VAV2: variants seen among roughly 807,000 people sequenced by gnomAD.
VAV2 encodes the protein guanine nucleotide exchange factor VAV2.
VAV2 carries 67 observed loss-of-function variants against 132.5 expected under a neutral mutation model. The observed-to-expected ratio is 0.51, with a 90% CI of 0.42 to 0.62. VAV2 has a LOEUF of 0.62. Ranked by LOEUF, VAV2 falls within the 20% of genes least tolerant of loss-of-function variation. VAV2 has a pLI of 0.00. For synonymous variants in VAV2, 492 were observed against 443.5 expected, an observed-to-expected ratio of 1.11 and a Z score of -1.37; for missense variants, 938 against 1,153.6, an observed-to-expected ratio of 0.81 and a Z score of 2.71.
chr9:133,801,153 G>A (rs1834914408), intron 9 of VAV2, among the ~76,000 whole-genome samples: 1 of 152,208 alleles, frequency 6.6e-6, no homozygotes, highest in African/African-American at 2.4e-5. Flanking sequence ...CCTGGACACA[G>A]GTCCTTCTAT....
chr9:133,915,086 C>T (rs1028613953), intron 2 of VAV2, among the ~76,000 whole-genome samples: 15 of 152,190 alleles, frequency 9.9e-5, no homozygotes, highest in South Asian at 6.2e-4. Context: ...GCCGCTTGGC[C>T]GGAAGAGCAC....
rs891761899 is a variant in VAV2, at chr9:133,826,447, C to T, written c.449+7825G>A. On this transcript the variant is annotated intron_variant, in intron 4 of 29. Transcript: ENST00000371850. The surrounding 1 kb of genome is among the most constrained non-coding windows in gnomAD (Gnocchi z 4.2). ...AGCCAGGAGGACACGCGGTTCCTGA[C>T]AGAGCCTGGCTGTGTCTAGGATCAC... 3.3e-5 allele frequency among the ~76,000 whole-genome samples: 5 copies of T among 152,244 alleles called. No homozygotes were observed. The highest frequency in any genetic ancestry group is 1.9e-4 in the East Asian group (1 of 5,204).
chr9:133,776,230 G>A (rs567749788), intron 23 of VAV2, 150 bp from the exon 24 acceptor site: 2 of 1,144,904 alleles, frequency 1.7e-6, no homozygotes, highest in Admixed American at 2.9e-5. Context: ...CCCCTGGCCT[G>A]GGAGGTGCCC....
Position 133,873,339 on chromosome 9 carries a change from C to T in VAV2, c.322-11907G>A, listed in dbSNP as rs1838137207. Among the ~76,000 whole-genome samples the T allele has an allele frequency of 2.0e-5, 3 of 152,218 alleles. No individual in the cohort carries two copies. In the South Asian group the frequency reaches 6.2e-4, roughly 32 times the overall value. On this transcript the variant is annotated intron_variant, in intron 2 of 29. Coordinates refer to ENST00000371850, the MANE Select transcript of VAV2 (RefSeq NM_001134398.2). ...CCACTCCTCTCTGGGCCTCGGTTTC[C>T]CTGTGTGTGGAATAAGGAAACCGCA...
chr9:133,951,953 T>G (rs936471541), intron 1 of VAV2, among the ~76,000 whole-genome samples: 1 of 152,072 alleles, frequency 6.6e-6, no homozygotes, highest in Non-Finnish European at 1.5e-5. Flanking sequence ...CGTGGTCAGG[T>G]TCCAGTGGCT....
chr9:133,965,886 T>C (rs1240267276), intron 1 of VAV2, among the ~76,000 whole-genome samples: 3 of 152,014 alleles, frequency 2.0e-5, no homozygotes, highest in Non-Finnish European at 4.4e-5. Context: ...CAAAACACAC[T>C]ACAAAGCTAC....
At chr9:133,803,133 G>A (rs1384540570) in intron 9 of VAV2, among the ~76,000 whole-genome samples, 3 of 152,126 alleles carry the variant, frequency 2.0e-5, no homozygotes, top group Non-Finnish European at 4.4e-5. Context: ...AGGATTCCGA[G>A]TGGAAGTCTC....
At chr9:133,956,059 A>C (rs1841768191) in intron 1 of VAV2, among the ~76,000 whole-genome samples, 1 of 151,740 alleles carries the variant, frequency 6.6e-6, no homozygotes, top group Admixed American at 6.6e-5. Flanking sequence ...AGGAGGCACA[A>C]AGCACAGCTT....
At chr9:133,923,491 C>G (rs1310551256) in intron 2 of VAV2, among the ~76,000 whole-genome samples, 1 of 152,148 alleles carries the variant, frequency 6.6e-6, no homozygotes, top group Non-Finnish European at 1.5e-5. Flanking sequence ...AGTCAGGAAA[C>G]AATACATGCT....
At position 133,812,287 on chromosome 9, in the gene VAV2, G is replaced by A. The variant is rs781003183; in HGVS notation, c.450-71C>T. 35 of 1,446,352 alleles carry A rather than the reference G, an allele frequency of 2.4e-5. No individual in the cohort carries two copies. In the African/African-American group the frequency reaches 2.7e-4, roughly 11 times the overall value. 89.6% of individuals were successfully genotyped at this position (1,446,352 alleles called of 1,614,324 possible). On this transcript the variant is annotated intron_variant, in intron 4 of 29. Coordinates refer to ENST00000371850, the MANE Select transcript of VAV2 (RefSeq NM_001134398.2). ...CCCTGACCGGGGAGCCGCAGAGCAC[G>A]AGGGTCCACGAGGGACGCAGGCGGC...
intron 7 of VAV2, among the ~76,000 whole-genome samples, chr9:133,808,686 G>C (rs992402893): frequency 6.6e-6 from 1 of 152,234 alleles, no homozygotes; most frequent in East Asian, 1.9e-4. Context: ...GCTGAGTGTG[G>C]AGAGGCTGGG....
intron 1 of VAV2, among the ~76,000 whole-genome samples, chr9:133,970,002 C>CA (rs1308244754): frequency 1.3e-5 from 2 of 152,176 alleles, no homozygotes; most frequent in African/African-American, 4.8e-5. Context: ...GAGTTCCTGC[C>CA]ACCCCCCAGA....
chr9:133,943,129 G>A (rs1479586901), intron 1 of VAV2, among the ~76,000 whole-genome samples: 2 of 152,252 alleles, frequency 1.3e-5, no homozygotes, highest in African/African-American at 4.8e-5. Context: ...GGCCCTCTGA[G>A]AGGACGGGCG....
Position 133,784,350 on chromosome 9 carries a change from G to A in VAV2, c.1601C>T (p.Thr534Ile). 1 of 1,614,216 alleles carries A rather than the reference G, an allele frequency of 6.2e-7. No homozygotes were observed. The highest frequency in any genetic ancestry group is 1.6e-4 in the Middle Eastern group (1 of 6,062). Residue 534 changes from threonine (T) to isoleucine (I), a missense_variant, in exon 18 of 30, where the codon ACC (threonine) becomes ATC (isoleucine). Physicochemically the swap from Thr to Ile is moderately conservative, Grantham distance 89 (BLOSUM62 -1). Transcript: ENST00000371850. ...CATTTTGCAGGCTTTGCAGTTGGTGGTCTTGTCAAACGTGTACATCTGGAA... is the reference window on the plus strand; with the variant it reads ...CATTTTGCAGGCTTTGCAGTTGGTGATCTTGTCAAACGTGTACATCTGGAA... ...HSFQMYTFDK[T>I]TNCKACKMFL...
At chr9:133,811,430 C>A (rs1835354376) in intron 5 of VAV2, among the ~76,000 whole-genome samples, 1 of 152,222 alleles carries the variant, frequency 6.6e-6, no homozygotes, top group Non-Finnish European at 1.5e-5. Flanking sequence ...GCATCAAAAG[C>A]CTCCACGGTT....
chr9:133,952,603 G>A (rs372897624), intron 1 of VAV2, among the ~76,000 whole-genome samples: 2 of 123,394 alleles, frequency 1.6e-5, no homozygotes, highest in South Asian at 2.6e-4. Flanking sequence ...ACTCTGTCTC[G>A]GGGAAAAAAA....
At chr9:133,955,204 CCCT>C (rs1841712571) in intron 1 of VAV2, among the ~76,000 whole-genome samples, 1 of 151,964 alleles carries the variant, frequency 6.6e-6, no homozygotes, top group African/African-American at 2.4e-5. Flanking sequence ...GAGCTCCTGC[CCCT>C]TCAGGTCCTA....
At chr9:133,872,434 C>T (rs921697426) in intron 2 of VAV2, among the ~76,000 whole-genome samples, 10 of 152,194 alleles carry the variant, frequency 6.6e-5, no homozygotes, top group Non-Finnish European at 1.2e-4. Context: ...CTCCGCGCAC[C>T]GTCTTTTCCC....
At position 133,763,956 on chromosome 9, in the gene VAV2, G is replaced by T; in HGVS notation, c.*106C>A. On this transcript the variant is annotated 3_prime_UTR_variant, in exon 30 of 30. Transcript: ENST00000371850. The surrounding 1 kb of genome is among the most constrained non-coding windows in gnomAD (Gnocchi z 6.8). ...CTATCCCTGTGGGCAGTGGAAGACT[G>T]GGAGGTTGGTATTTCCCCTCTGAGT... The T allele has an allele frequency of 7.4e-7, 1 of 1,354,574 alleles. No individual in the cohort carries two copies. Among genetic ancestry groups the T allele is most frequent in the Non-Finnish European group, 1.1e-6 (1 of 950,084 alleles). 83.9% of individuals were successfully genotyped at this position (1,354,574 alleles called of 1,614,324 possible). A position where few individuals can be genotyped will look rare whatever the true frequency, so the allele number is the denominator to read the frequency against.
Sources: allele counts gnomAD v4.1 joint callset (sites outside exome capture counted in the v4.1 genomes callset), GRCh38; gene constraint gnomAD v4.1.1; non-coding constraint Gnocchi (gnomAD v3.1); transcripts MANE v1.5; gene names NCBI Gene and HGNC (gene_info 2026-07-23, HGNC 2026-07-21).